The following SLC30A4 variants were observed in gnomAD, a reference collection of about 807,000 sequenced individuals.
SLC30A4 encodes the protein probable proton-coupled zinc antiporter SLC30A4.
In SLC30A4, 20 loss-of-function variants were observed where a neutral mutation model predicts 41.7. The observed-to-expected ratio is 0.48, with a 90% CI of 0.34 to 0.70. The LOEUF (loss-of-function observed/expected upper bound fraction) is 0.70, where lower values mean the gene tolerates loss of function less well. Among genes scored for constraint, SLC30A4 ranks in the 30% least tolerant of loss-of-function variants. The pLI, the probability that SLC30A4 is intolerant of heterozygous loss-of-function variation, is 0.01. For synonymous variants in SLC30A4, 181 were observed against 195.9 expected (o/e 0.92, Z 0.64); for missense variants, 441 against 529.3 (o/e 0.83, Z 1.64).
At chr15:45,491,811 G>A (rs76590447) in intron 3 of SLC30A4, among the ~76,000 whole-genome samples, 5,886 of 151,848 alleles carry the variant, frequency 0.039, 172 homozygotes, top group Non-Finnish European at 0.065. Flanking sequence ...CGAGGCTGCA[G>A]TGAACCGTAT....
chr15:45,502,007 T>C (rs938400719), intron 3 of SLC30A4: 1 of 152,230 alleles, frequency 6.6e-6, no homozygotes, highest in East Asian at 1.9e-4. Flanking sequence ...GAATCCTTTT[T>C]TTAAAAAATC....
chr15:45,495,570 A>AT (rs1891893812), intron 3 of SLC30A4, among the ~76,000 whole-genome samples: 1 of 152,246 alleles, frequency 6.6e-6, no homozygotes, highest in Admixed American at 6.5e-5. Context: ...CACTCCAGTG[A>AT]TTTTACTAAA....
chr15:45,521,806 G>A (rs376612020), intron 2 of SLC30A4, 158 bp downstream of exon 2: 3 of 672,590 alleles, frequency 4.5e-6, no homozygotes, highest in Non-Finnish European at 2.5e-6. Context: ...AGATTGAGCT[G>A]CACTTTGGAA....
chr15:45,504,512 A>G (rs1892108536), intron 3 of SLC30A4, among the ~76,000 whole-genome samples: 1 of 152,216 alleles, frequency 6.6e-6, no homozygotes, highest in African/African-American at 2.4e-5. Flanking sequence ...TAAAAGCAAT[A>G]AATGTGATTT....
chr15:45,489,623 G>C (rs1194400032), intron 4 of SLC30A4, among the ~76,000 whole-genome samples: 5 of 107,762 alleles, frequency 4.6e-5, no homozygotes, highest in Non-Finnish European at 8.7e-5. Flanking sequence ...CTGTTGTGGG[G>C]TGGGGGGAGG....
rs960270237 is a variant in SLC30A4, at chr15:45,487,679, A to C, written c.895-47T>G. On this transcript the variant is annotated intron_variant, in intron 5 of 7. Coordinates refer to ENST00000261867, the MANE Select transcript of SLC30A4 (RefSeq NM_013309.6). ...TTTATGATTAAATAGACAAATATAA[A>C]ACAGACTGCAAAGCAAAGCAAGGAA... 4 of 894,774 alleles carry C rather than the reference A, an allele frequency of 4.5e-6. No homozygotes were observed. In the African/African-American group the frequency reaches 6.6e-5, roughly 15 times the overall value. 55.4% of individuals were successfully genotyped at this position (894,774 alleles called of 1,614,324 possible). A position where few individuals can be genotyped will look rare whatever the true frequency, so the allele number is the denominator to read the frequency against.
Position 45,483,361 on chromosome 15 carries a change from A to G in SLC30A4, c.*1802T>C, listed in dbSNP as rs764512273. ...TGATTCTTAGAGGAGCCCAATAACC[A>G]TATCCATTCTTCGTGTAAGAAACTG... On this transcript the variant is annotated 3_prime_UTR_variant, in exon 8 of 8. Coordinates refer to ENST00000261867, the MANE Select transcript of SLC30A4 (RefSeq NM_013309.6). 6.6e-6 allele frequency: 1 copy of G among 152,254 alleles called. No homozygotes were observed. The highest frequency in any genetic ancestry group is 6.5e-5 in the Admixed American group (1 of 15,278). 9.4% of individuals were successfully genotyped at this position (152,254 alleles called of 1,614,324 possible).
Position 45,480,551 on chromosome 15 carries a change from T to C in SLC30A4, c.*4612A>G, listed in dbSNP as rs1043230810. The C allele has an allele frequency of 6.6e-6, 1 of 152,216 alleles. No homozygotes were observed. The highest frequency in any genetic ancestry group is 1.5e-5 in the Non-Finnish European group (1 of 68,036). The allele number at this position is 152,216 out of a possible 1,614,324, so 9.4% of individuals were successfully genotyped here. On this transcript the variant is annotated 3_prime_UTR_variant, in exon 8 of 8. Transcript: ENST00000261867. Reference sequence around the variant, plus strand: ...TTATGACAAATAACCAACTGGCTCATGAGCTTGGCTTGCTTCAAAGACAAA... The same window carrying C: ...TTATGACAAATAACCAACTGGCTCACGAGCTTGGCTTGCTTCAAAGACAAA...
rs6413526 is a variant in SLC30A4 at position 45,485,060 on chromosome 15, C to T, written c.*103G>A. 4 of 839,962 alleles carry T rather than the reference C, an allele frequency of 4.8e-6. No homozygotes were observed. The African/African-American group carries it at 7.0e-5, about 15-fold the overall frequency. 52.0% of individuals were successfully genotyped at this position (839,962 alleles called of 1,614,324 possible). ...TTGAGAGACTGATGCTTGATACGGA[C>T]ACAGCTGTCAGGGATTCCATTTTCT... On this transcript the variant is annotated 3_prime_UTR_variant, in exon 8 of 8. Coordinates refer to ENST00000261867, the MANE Select transcript of SLC30A4 (RefSeq NM_013309.6).
chr15:45,488,574 AAAAT>A (rs139550846), intron 5 of SLC30A4, among the ~76,000 whole-genome samples: 11 of 151,744 alleles, frequency 7.2e-5, no homozygotes, highest in East Asian at 3.9e-4. Context: ...CTCTGTCTCA[AAAAT>A]AAATAAATAA....
At chr15:45,499,138 A>G (rs957392280) in intron 3 of SLC30A4, among the ~76,000 whole-genome samples, 12 of 146,002 alleles carry the variant, frequency 8.2e-5, no homozygotes, top group Admixed American at 5.7e-4. Context: ...GCTGTAGTGC[A>G]GTGGCACCAT....
chr15:45,522,050 C>T lies in SLC30A4; in HGVS notation c.305G>A (p.Arg102Lys). ...VDSCDNCSKQREILKQRKVKA... is the reference protein window; with the variant it reads ...VDSCDNCSKQKEILKQRKVKA... Reference sequence around the variant, plus strand: ...CACCTTTCTCTGCTTCAGTATCTCTCTCTGTTTGCTGCAGTTGTCACAGGA... The same window carrying T: ...CACCTTTCTCTGCTTCAGTATCTCTTTCTGTTTGCTGCAGTTGTCACAGGA... The change falls in exon 2 of 8, where the codon AGA (arginine) becomes AAA (lysine). Residue 102 changes from arginine to lysine, a missense_variant. Coordinates refer to ENST00000261867, the MANE Select transcript of SLC30A4 (RefSeq NM_013309.6). 1 of 1,614,230 alleles carries T rather than the reference C, an allele frequency of 6.2e-7. No homozygotes were observed. The highest frequency in any genetic ancestry group is 8.5e-7 in the Non-Finnish European group (1 of 1,180,044).
Position 45,486,679 on chromosome 15 carries a change from G to A in SLC30A4, c.1067C>T (p.Ser356Leu), listed in dbSNP as rs1275324276. The A allele has an allele frequency of 2.5e-6, 4 of 1,600,114 alleles. No homozygotes were observed. Among genetic ancestry groups the A allele is most frequent in the Non-Finnish European group, 3.4e-6 (4 of 1,171,762 alleles). The change falls in exon 7 of 8, where the codon TCA (serine) becomes TTA (leucine). Residue 356 changes from serine (S) to leucine (L), a missense_variant. Physicochemically the swap from Ser to Leu is moderately radical, Grantham distance 145. This residue lies in a region of SLC30A4 where 100 missense variants were observed against 121.0 expected (regional missense o/e 0.83). Coordinates refer to ENST00000261867, the MANE Select transcript of SLC30A4 (RefSeq NM_013309.6). ...AGACCAGATATTTAAATCTTCGACTGAATATACATCTTCTATTTTCATCAA... is the reference window on the plus strand; with the variant it reads ...AGACCAGATATTTAAATCTTCGACTAAATATACATCTTCTATTTTCATCAA... ...EALMKIEDVY[S>L]VEDLNIWSLT...
chr15:45,507,350 A>AAATAAATAAATAAAT (rs1555392119), intron 3 of SLC30A4, among the ~76,000 whole-genome samples: 1 of 150,802 alleles, frequency 6.6e-6, no homozygotes, highest in Non-Finnish European at 1.5e-5. Context: ...ATAAATAAAT[A>AAATAAATAAATAAAT]AATAAATAAT....
rs934900391 is a variant in SLC30A4 at position 45,480,597 on chromosome 15, T to G, written c.*4566A>C. The G allele has an allele frequency of 1.3e-5, 2 of 152,210 alleles. No individual in the cohort carries two copies. The highest frequency in any genetic ancestry group is 2.9e-5 in the Non-Finnish European group (2 of 68,048). The allele number at this position is 152,210 out of a possible 1,614,324, so 9.4% of individuals were successfully genotyped here. ...ACAAAATGAACCAAATGAACTAATC[T>G]TCTATCTAGGAAACACTCTGTAACT... is the stretch of plus-strand genomic sequence containing the variant. On this transcript the variant is annotated 3_prime_UTR_variant, in exon 8 of 8. Coordinates refer to ENST00000261867, the MANE Select transcript of SLC30A4 (RefSeq NM_013309.6).
At chr15:45,521,909 T>G in intron 2 of SLC30A4, 55 bp downstream of exon 2, 1 of 1,555,284 alleles carries the variant, frequency 6.4e-7, no homozygotes, top group Non-Finnish European at 8.8e-7. Context: ...AACTACAGCT[T>G]GACAAAGACT....
rs1891669472 is a variant in SLC30A4, at chr15:45,485,018, CAGGCTGGGGCAACTGTTTGAG to C, written c.*124_*144del. On this transcript the variant is annotated 3_prime_UTR_variant, in exon 8 of 8. Coordinates refer to ENST00000261867, the MANE Select transcript of SLC30A4 (RefSeq NM_013309.6). Reference sequence around the variant, plus strand: ...ACCATTAAACAGAGACTAGCACTGTCAGGCTGGGGCAACTGTTTGAGAGACTGATGCTTGATACGGACACAG... The same window carrying C: ...ACCATTAAACAGAGACTAGCACTGTCAGACTGATGCTTGATACGGACACAG... 1.6e-6 allele frequency: 1 copy of C among 620,656 alleles called. No individual in the cohort carries two copies. Among genetic ancestry groups the C allele is most frequent in the Admixed American group, 3.2e-5 (1 of 30,824 alleles). The allele number at this position is 620,656 out of a possible 1,614,324, so 38.4% of individuals were successfully genotyped here. A position where few individuals can be genotyped will look rare whatever the true frequency, so the allele number is the denominator to read the frequency against.
intron 3 of SLC30A4, among the ~76,000 whole-genome samples, chr15:45,491,625 G>A (rs1891811815): frequency 6.6e-6 from 1 of 152,126 alleles, no homozygotes; most frequent in Non-Finnish European, 1.5e-5. Flanking sequence ...AAGGTTCCAG[G>A]GTGGCACGTC....
At chr15:45,522,498 A>G in intron 1 of SLC30A4, 30 bp from the exon 2 acceptor site, 1 of 844,022 alleles carries the variant, frequency 1.2e-6, no homozygotes, top group Admixed American at 3.0e-5. Context: ...TTATAAATTA[A>G]AGGCGCCCAA....
Sources: gnomAD v4.1 joint callset for allele counts (sites outside exome capture counted in the v4.1 genomes callset) on GRCh38, gnomAD v4.1.1 for gene constraint, gnomAD v4.1.1 regional missense constraint, MANE v1.5 for transcripts, NCBI Gene and HGNC (gene_info 2026-07-23, HGNC 2026-07-21) for gene names.